Variants in FRAS1 observed in about 807,000 individuals in gnomAD.
FRAS1 encodes the protein Fraser extracellular matrix complex subunit 1, also known as extracellular matrix organizing protein FRAS1.
FRAS1 carries 290 observed loss-of-function variants against 435.2 expected under a neutral mutation model. That is an observed-to-expected ratio of 0.67 (90% CI 0.61 to 0.73). The LOEUF is 0.73. Among genes scored for constraint, FRAS1 ranks in the 30% least tolerant of loss-of-function variants. FRAS1 has a pLI of 0.00. For synonymous variants in FRAS1, 1,800 were observed against 1,851.0 expected (o/e 0.97, Z 0.71); for missense variants, 4,860 against 5,001.5 (o/e 0.97, Z 0.85).
Position 78,540,980 on chromosome 4 carries a change from C to A in FRAS1, c.11895C>A (p.Asn3965Lys). 6.2e-7 allele frequency: 1 copy of A among 1,613,086 alleles called. No homozygotes were observed. The highest frequency in any genetic ancestry group is 8.5e-7 in the Non-Finnish European group (1 of 1,179,454). ...PKRHPDRVEK[N>K]VNRHYCTVRN... ...GGCACCCGGACCGGGTGGAGAAGAA[C>A]GTGAATAGACACTACTGCACTGTGC... Residue 3965 changes from asparagine to lysine, a missense_variant, in exon 74 of 74, where the codon AAC becomes AAA. By Grantham distance (94) the Asn-to-Lys change is moderately conservative. Transcript: ENST00000512123.
At chr4:78,117,708 G>C (rs28794638) in intron 2 of FRAS1, among the ~76,000 whole-genome samples, 6,903 of 152,126 alleles carry the variant, frequency 0.045, 198 homozygotes, top group Admixed American at 0.079. Context: ...CTCTGCATTG[G>C]TTATTCTAGT....
intron 31 of FRAS1, among the ~76,000 whole-genome samples, chr4:78,408,267 A>G (rs1411921278): frequency 1.3e-5 from 2 of 152,192 alleles, no homozygotes; most frequent in Non-Finnish European, 2.9e-5. Flanking sequence ...TATGGGAGCT[A>G]TGATTCAAGA....
At chr4:78,200,533 G>A (rs1723005479) in intron 2 of FRAS1, among the ~76,000 whole-genome samples, 1 of 152,188 alleles carries the variant, frequency 6.6e-6, no homozygotes, top group South Asian at 2.1e-4. Flanking sequence ...CACGTACTTG[G>A]AGGCTGTCTT....
intron 20 of FRAS1, among the ~76,000 whole-genome samples, chr4:78,357,299 G>C (rs1408931263): frequency 6.6e-6 from 1 of 152,140 alleles, no homozygotes; most frequent in Non-Finnish European, 1.5e-5. Flanking sequence ...TCTCATGCCA[G>C]TCCTCCACCT....
At chr4:78,307,999 TA>T in intron 14 of FRAS1, 66 bp from the exon 15 acceptor site, 1 of 1,478,576 alleles carries the variant, frequency 6.8e-7, no homozygotes, top group East Asian at 2.3e-5. Context: ...CTAAAATATT[TA>T]AAAGAAAAAT....
chr4:78,533,507 C>T (rs1298758518), intron 70 of FRAS1, among the ~76,000 whole-genome samples: 1 of 152,210 alleles, frequency 6.6e-6, no homozygotes, highest in East Asian at 1.9e-4. Context: ...AAAAATATTG[C>T]TCTTCCTTCT....
chr4:78,406,687 C>A (rs1301590787), intron 30 of FRAS1, among the ~76,000 whole-genome samples: 4 of 152,112 alleles, frequency 2.6e-5, no homozygotes, highest in Non-Finnish European at 5.9e-5. Context: ...TCTTTAAGCA[C>A]CTGTAAAGCA....
At chr4:78,528,712 A>C (rs1465623641) in intron 70 of FRAS1, among the ~76,000 whole-genome samples, 1 of 152,206 alleles carries the variant, frequency 6.6e-6, no homozygotes, top group Non-Finnish European at 1.5e-5. Flanking sequence ...TAAAGCTTCT[A>C]TGAACCTACA....
At chr4:78,073,950 T>C (rs1740492529) in intron 2 of FRAS1, among the ~76,000 whole-genome samples, 2 of 152,190 alleles carry the variant, frequency 1.3e-5, no homozygotes, top group Non-Finnish European at 2.9e-5. Context: ...TAAGTTCTTT[T>C]AGCAATGATT....
In FRAS1 at chr4:78,223,598, A is replaced by G. The variant is rs76787091; in HGVS notation, c.109-13912A>G. ...ATGTTGGCTTAGTACATGGGAACAT[A>G]TGGTATAGGTACTTCCATTCCTCTT... On this transcript the variant is annotated intron_variant, in intron 2 of 73. Transcript: ENST00000512123. Among the ~76,000 whole-genome samples the G allele has an allele frequency of 1.5e-3, 223 of 152,260 alleles. 3 individuals carry two copies. The East Asian group carries it at 0.04, about 27-fold the overall frequency.
intron 36 of FRAS1, among the ~76,000 whole-genome samples, chr4:78,430,084 A>G (rs1336137684): frequency 6.6e-6 from 1 of 152,116 alleles, no homozygotes; most frequent in Non-Finnish European, 1.5e-5. Flanking sequence ...CCTTACATGA[A>G]CTTTTGGAAG....
At chr4:78,366,877 T>C (rs1448786223) in intron 22 of FRAS1, among the ~76,000 whole-genome samples, 1 of 152,188 alleles carries the variant, frequency 6.6e-6, no homozygotes, top group Non-Finnish European at 1.5e-5. Flanking sequence ...CGTTGGTACC[T>C]ACAGAACTGC....
At chr4:78,347,086 A>C (rs970913794) in intron 20 of FRAS1, among the ~76,000 whole-genome samples, 2 of 152,168 alleles carry the variant, frequency 1.3e-5, no homozygotes, top group African/African-American at 2.4e-5. Flanking sequence ...ACTGCAAAGA[A>C]AACCCTTCAT....
intron 2 of FRAS1, among the ~76,000 whole-genome samples, chr4:78,144,531 C>G (rs560859848): frequency 3.8e-4 from 58 of 151,412 alleles, no homozygotes; most frequent in African/African-American, 1.4e-3. Flanking sequence ...TTTTGTAGCT[C>G]CTGTATTTGT....
Position 78,356,294 on chromosome 4 carries a change from C to T in FRAS1, c.2423-7219C>T, listed in dbSNP as rs4975073. On this transcript the variant is annotated intron_variant, in intron 20 of 73. Coordinates refer to ENST00000512123, the MANE Select transcript of FRAS1 (RefSeq NM_025074.7). ...TGATGCAACCCATATTGACCTTTTT[C>T]GTGGGCCTTCAAATTCTCCATGATT... Among the ~76,000 whole-genome samples the T allele has an allele frequency of 4.9e-3, 743 of 152,218 alleles. 29 individuals carry two copies. The highest frequency in any genetic ancestry group is 0.043 in the Admixed American group (651 of 15,300).
Position 78,068,562 on chromosome 4 carries a change from T to C in FRAS1, c.108+2546T>C, listed in dbSNP as rs10008489. On this transcript the variant is annotated intron_variant, in intron 2 of 73. Coordinates refer to ENST00000512123, the MANE Select transcript of FRAS1 (RefSeq NM_025074.7). ...TAGCTTGTCCTTTCAGGAAGGTGGA[T>C]GAGCCATTGGAGGTGCCAGAGAGGA... 0.24 allele frequency: 107,371 copies of C among 456,026 alleles called. 13,556 individuals are homozygous for C. Among genetic ancestry groups the C allele is most frequent in the East Asian group, 0.35 (5,080 of 14,388 alleles). The allele number at this position is 456,026 out of a possible 1,614,324, so 28.2% of individuals were successfully genotyped here.
At chr4:78,197,630 G>A (rs1383824850) in intron 2 of FRAS1, among the ~76,000 whole-genome samples, 1 of 152,140 alleles carries the variant, frequency 6.6e-6, no homozygotes, top group African/African-American at 2.4e-5. Context: ...ATTGAGACAA[G>A]GGAAAGAGGT....
At chr4:78,356,763 T>G (rs1730872651) in intron 20 of FRAS1, among the ~76,000 whole-genome samples, 1 of 149,816 alleles carries the variant, frequency 6.7e-6, no homozygotes, top group South Asian at 2.1e-4. Flanking sequence ...AGTTTTCTGC[T>G]TTGGTTTGAT....
At chr4:78,186,861 A>G (rs192277256) in intron 2 of FRAS1, among the ~76,000 whole-genome samples, 16 of 152,314 alleles carry the variant, frequency 1.1e-4, no homozygotes, top group African/African-American at 3.1e-4. Context: ...AATTATGCCT[A>G]AACTCCAGCA....
Sources: gnomAD v4.1 joint callset for allele counts (sites outside exome capture counted in the v4.1 genomes callset) on GRCh38, gnomAD v4.1.1 for gene constraint, MANE v1.5 for transcripts, NCBI Gene and HGNC (gene_info 2026-07-23, HGNC 2026-07-21) for gene names.